Variants in SETBP1 observed in about 807,000 individuals in gnomAD.
SETBP1 encodes the protein SET binding protein 1, also known as SET-binding protein.
SETBP1 carries 9 observed loss-of-function variants against 101.0 expected under a neutral mutation model. That is an observed-to-expected ratio of 0.09 (90% CI 0.05 to 0.16). The LOEUF is 0.16. SETBP1 is among the 10% of genes least tolerant of loss of function. The pLI, the probability that SETBP1 is intolerant of heterozygous loss-of-function variation, is 1.00. For synonymous variants in SETBP1, 818 were observed against 788.5 expected, an observed-to-expected ratio of 1.04 and a Z score of -0.63; for missense variants, 1,858 against 2,033.8, an observed-to-expected ratio of 0.91 and a Z score of 1.66.
chr18:44,783,744 G>A (rs1160383702), intron 2 of SETBP1, among the ~76,000 whole-genome samples: 2 of 152,150 alleles, frequency 1.3e-5, no homozygotes, highest in African/African-American at 2.4e-5. Flanking sequence ...AATTTTAAAT[G>A]CAGAACATGA....
rs2073647414 is a variant in SETBP1 at position 45,048,079 on chromosome 18, G to A, written c.4171+9424G>A. The stretch of plus-strand genomic sequence containing the variant: ...AAGGGTTACAAATATTGCCTGACTG[G>A]GAACTCAGAAACTTGGACTCTTTCT... On this transcript the variant is annotated intron_variant, in intron 5 of 5. Transcript: ENST00000649279. 2.0e-5 allele frequency among the ~76,000 whole-genome samples: 3 copies of A among 152,318 alleles called. No homozygotes were observed. The South Asian group carries it at 6.2e-4, about 32-fold the overall frequency.
At chr18:45,031,756 T>G (rs1346505509) in intron 4 of SETBP1, among the ~76,000 whole-genome samples, 1 of 152,072 alleles carries the variant, frequency 6.6e-6, no homozygotes, top group Non-Finnish European at 1.5e-5. Context: ...ACTTTTACAA[T>G]TGCCTAGAAG....
At chr18:44,815,753 T>G (rs2071961789) in intron 2 of SETBP1, among the ~76,000 whole-genome samples, 1 of 152,146 alleles carries the variant, frequency 6.6e-6, no homozygotes, top group Admixed American at 6.5e-5. Context: ...TTCCAACACA[T>G]TGTTTCTGTT....
intron 1 of SETBP1, among the ~76,000 whole-genome samples, chr18:44,682,349 C>T (rs1018166048): frequency 6.6e-6 from 1 of 152,156 alleles, no homozygotes; most frequent in African/African-American, 2.4e-5. Context: ...CCTGGGCATT[C>T]CGGGGAGAGT....
chr18:44,893,103 G>T (rs1360042252), intron 3 of SETBP1, among the ~76,000 whole-genome samples: 1 of 152,108 alleles, frequency 6.6e-6, no homozygotes, highest in Non-Finnish European at 1.5e-5. Flanking sequence ...GTGGTCAAAT[G>T]ACATTAACAG....
chr18:44,990,122 A>G (rs181543568), intron 4 of SETBP1, among the ~76,000 whole-genome samples: 2 of 152,176 alleles, frequency 1.3e-5, no homozygotes, highest in East Asian at 3.9e-4. Context: ...ACGCAAGAAT[A>G]ATGTTTTAAG....
chr18:44,714,977 TG>T (rs1389333989), intron 2 of SETBP1, among the ~76,000 whole-genome samples: 1 of 152,112 alleles, frequency 6.6e-6, no homozygotes, highest in Non-Finnish European at 1.5e-5. Flanking sequence ...TTTTATAAAC[TG>T]GGGAAAGGAC....
chr18:44,700,721 G>C (rs1455288500), intron 1 of SETBP1, among the ~76,000 whole-genome samples: 3 of 152,152 alleles, frequency 2.0e-5, no homozygotes, highest in Non-Finnish European at 2.9e-5. Flanking sequence ...CAGCCTGGGG[G>C]TTGTGCTCAG....
intron 2 of SETBP1, among the ~76,000 whole-genome samples, chr18:44,763,986 C>T (rs1409097086): frequency 1.3e-5 from 2 of 152,168 alleles, no homozygotes; most frequent in African/African-American, 4.8e-5. Flanking sequence ...TTTATCTATA[C>T]CCTGGACCTA....
At chr18:45,026,025 T>C (rs1307326201) in intron 4 of SETBP1, among the ~76,000 whole-genome samples, 7 of 152,220 alleles carry the variant, frequency 4.6e-5, no homozygotes, top group African/African-American at 1.7e-4. Flanking sequence ...CCAGTTAGCA[T>C]TGAGATCTGT....
intron 4 of SETBP1, among the ~76,000 whole-genome samples, chr18:45,016,501 G>A (rs376060865): frequency 2.6e-5 from 4 of 152,082 alleles, no homozygotes; most frequent in Admixed American, 1.3e-4. Context: ...TTCTCTCTCC[G>A]CCACGGCTTG....
At chr18:44,895,819 T>G (rs2069888591) in intron 3 of SETBP1, among the ~76,000 whole-genome samples, 1 of 152,130 alleles carries the variant, frequency 6.6e-6, no homozygotes, top group Non-Finnish European at 1.5e-5. Context: ...TTTGTTTTAT[T>G]TATTTCAACC....
chr18:44,936,162 C>T (rs2070951369), intron 3 of SETBP1, among the ~76,000 whole-genome samples: 1 of 152,216 alleles, frequency 6.6e-6, no homozygotes, highest in South Asian at 2.1e-4. Flanking sequence ...GGCTTCATCC[C>T]TCAGAAGCCC....
chr18:45,032,267 G>T (rs551000911), intron 4 of SETBP1, among the ~76,000 whole-genome samples: 107 of 152,244 alleles, frequency 7.0e-4, no homozygotes, highest in African/African-American at 2.5e-3. Flanking sequence ...TGAAGGACTC[G>T]TTGGACATCC....
At chr18:44,839,996 G>A (rs901672673) in intron 2 of SETBP1, among the ~76,000 whole-genome samples, 4 of 152,190 alleles carry the variant, frequency 2.6e-5, no homozygotes, top group African/African-American at 7.2e-5. Context: ...TTGTCTTCTT[G>A]ATCCACATTG....
chr18:44,968,601 G>A (rs995311674), intron 4 of SETBP1, among the ~76,000 whole-genome samples: 1 of 152,236 alleles, frequency 6.6e-6, no homozygotes, highest in Non-Finnish European at 1.5e-5. Context: ...AGTGATCACT[G>A]TGTCTTATGC....
chr18:44,933,024 G>A (rs1207443187), intron 3 of SETBP1, among the ~76,000 whole-genome samples: 1 of 152,184 alleles, frequency 6.6e-6, no homozygotes, highest in Non-Finnish European at 1.5e-5. Context: ...AGGAGAAGAG[G>A]TGCTCTGATT....
intron 2 of SETBP1, among the ~76,000 whole-genome samples, chr18:44,867,741 G>A (rs749639764): frequency 4.6e-5 from 7 of 151,972 alleles, no homozygotes; most frequent in South Asian, 2.1e-4. Context: ...GGAATGGGGG[G>A]GTGGGGAACA....
intron 4 of SETBP1, among the ~76,000 whole-genome samples, chr18:44,980,151 T>C (rs570808826): frequency 3.8e-4 from 58 of 152,356 alleles, no homozygotes; most frequent in African/African-American, 1.3e-3. Flanking sequence ...GTACTGAGTA[T>C]AGAATGAAGC....
Sources: gnomAD v4.1 joint callset for allele counts (sites outside exome capture counted in the v4.1 genomes callset) on GRCh38, gnomAD v4.1.1 for gene constraint, MANE v1.5 for transcripts, NCBI Gene and HGNC (gene_info 2026-07-23, HGNC 2026-07-21) for gene names.